Variants in RGS5 observed in about 807,000 individuals in gnomAD.
RGS5 encodes regulator of G-protein signalling 5.
RGS5 carries 20 observed loss-of-function variants against 18.9 expected under a neutral mutation model. The observed-to-expected ratio is 1.06, with a 90% CI of 0.74 to 1.54. The LOEUF is 1.54. Among genes scored for constraint, RGS5 ranks in the 40% most tolerant of loss-of-function variants. RGS5 has a pLI of 0.00. For synonymous variants in RGS5, 57 were observed against 76.2 expected, an observed-to-expected ratio of 0.75 and a Z score of 1.31; for missense variants, 201 against 211.8, an observed-to-expected ratio of 0.95 and a Z score of 0.32.
chr1:163,172,473 T>C, intron 1 of RGS5: 1 of 1,448,908 alleles, frequency 6.9e-7, no homozygotes, highest in Non-Finnish European at 9.4e-7. Flanking sequence ...TAGAGTTTTT[T>C]GTGGAATGAT....
intron 1 of RGS5, among the ~76,000 whole-genome samples, chr1:163,179,697 A>G (rs974725794): frequency 1.3e-5 from 2 of 152,226 alleles, no homozygotes; most frequent in Admixed American, 1.3e-4. Flanking sequence ...GTAGAAAAAG[A>G]GAAAGGGAGA....
At chr1:163,278,572 G>A (rs1349488201) in intron 2 of RGS5, among the ~76,000 whole-genome samples, 1 of 151,748 alleles carries the variant, frequency 6.6e-6, no homozygotes, top group East Asian at 1.9e-4. Context: ...ATGAAAAGAA[G>A]GGTAAAAAAT....
chr1:163,268,363 CA>C (rs1648626453), intron 2 of RGS5, among the ~76,000 whole-genome samples: 1 of 152,074 alleles, frequency 6.6e-6, no homozygotes, highest in Non-Finnish European at 1.5e-5. Context: ...TTTCATTTTG[CA>C]GACTAGAAAA....
intron 2 of RGS5, among the ~76,000 whole-genome samples, chr1:163,291,274 G>A (rs1007268167): frequency 1.3e-5 from 2 of 152,084 alleles, no homozygotes; most frequent in South Asian, 4.1e-4. Context: ...AAATTATGGC[G>A]GCGGGCAGGG....
At chr1:163,271,345 G>A (rs1228809711) in intron 2 of RGS5, among the ~76,000 whole-genome samples, 1 of 152,118 alleles carries the variant, frequency 6.6e-6, no homozygotes, top group Non-Finnish European at 1.5e-5. Flanking sequence ...TTTAGATGAT[G>A]TCATGAAGGT....
intron 1 of RGS5, among the ~76,000 whole-genome samples, chr1:163,309,601 A>G (rs902063931): frequency 6.6e-6 from 1 of 152,042 alleles, no homozygotes; most frequent in African/African-American, 2.4e-5. Context: ...TTCTAATTCT[A>G]GTTCTCTTGC....
Position 163,143,003 on chromosome 1 carries a change from G to A in RGS5, c.*4339C>T, listed in dbSNP as rs140460338. 2 of 152,318 alleles carry A rather than the reference G, an allele frequency of 1.3e-5. No individual in the cohort carries two copies. Among genetic ancestry groups the A allele is most frequent in the East Asian group, 1.9e-4 (1 of 5,192 alleles). The allele number at this position is 152,318 out of a possible 1,614,324, so 9.4% of individuals were successfully genotyped here. A position where few individuals can be genotyped will look rare whatever the true frequency, so the allele number is the denominator to read the frequency against. On this transcript the variant is annotated 3_prime_UTR_variant, in exon 5 of 5. Transcript: ENST00000313961. ...GTTGTCGTTGTTGTTGCCGTGGCCT[G>A]TGACTCTCTGCTGTAAGTTTCCATT...
intron 2 of RGS5, among the ~76,000 whole-genome samples, chr1:163,235,471 G>T (rs1647598760): frequency 6.6e-6 from 1 of 152,202 alleles, no homozygotes; most frequent in Admixed American, 6.5e-5. Context: ...CGGACATGTT[G>T]CTAATTTCAC....
chr1:163,315,975 G>A (rs555587671), intron 1 of RGS5, among the ~76,000 whole-genome samples: 2 of 152,098 alleles, frequency 1.3e-5, no homozygotes, highest in East Asian at 1.9e-4. Context: ...ATGCAACAGC[G>A]CCACCCAGTG....
intron 2 of RGS5, among the ~76,000 whole-genome samples, chr1:163,270,882 G>C (rs1456502697): frequency 6.6e-6 from 1 of 152,164 alleles, no homozygotes; most frequent in Non-Finnish European, 1.5e-5. Flanking sequence ...TAAATATGCA[G>C]AGCCAGACCT....
At chr1:163,298,081 G>C (rs984074197) in intron 2 of RGS5, among the ~76,000 whole-genome samples, 1 of 151,066 alleles carries the variant, frequency 6.6e-6, no homozygotes, top group Non-Finnish European at 1.5e-5. Context: ...TTCCTTGTTT[G>C]ATATAACAAA....
chr1:163,312,570 C>CA (rs1174196525), intron 1 of RGS5, among the ~76,000 whole-genome samples: 2 of 152,066 alleles, frequency 1.3e-5, no homozygotes, highest in African/African-American at 4.8e-5. Context: ...CTGAAAACGA[C>CA]AGTGATATGA....
chr1:163,240,051 G>GTT (rs34837921), intron 2 of RGS5, among the ~76,000 whole-genome samples: 23 of 148,970 alleles, frequency 1.5e-4, no homozygotes, highest in South Asian at 6.3e-4. Context: ...GTTTAGCAGG[G>GTT]TTTTTTTTTT....
chr1:163,311,239 T>C (rs1371457350), intron 1 of RGS5, among the ~76,000 whole-genome samples: 4 of 152,230 alleles, frequency 2.6e-5, no homozygotes, highest in Non-Finnish European at 5.9e-5. Context: ...AGCAAGTGCC[T>C]TGCTCTGGAT....
intron 1 of RGS5, among the ~76,000 whole-genome samples, chr1:163,173,627 A>T (rs1658405950): frequency 6.6e-6 from 1 of 152,244 alleles, no homozygotes; most frequent in South Asian, 2.1e-4. Context: ...GTGAAGAACC[A>T]ATTATATATA....
rs189192486 is a variant in RGS5, at chr1:163,294,811, A to G, written c.-281+11422T>C. On this transcript the variant is annotated intron_variant, in intron 2 of 5. Coordinates refer to the RGS5 transcript ENST00000618415. The stretch of plus-strand genomic sequence containing the variant: ...AGCACATGTAACTGCACACTTTCAG[A>G]AAAAAACGGGTCACCTCTTGAATGC... Among the ~76,000 whole-genome samples the G allele has an allele frequency of 1.4e-3, 220 of 152,192 alleles. 1 individual carries two copies. Among genetic ancestry groups the G allele is most frequent in the Non-Finnish European group, 2.6e-3 (174 of 68,016 alleles).
intron 2 of RGS5, among the ~76,000 whole-genome samples, chr1:163,268,519 C>G (rs1648630489): frequency 6.6e-6 from 1 of 152,076 alleles, no homozygotes; most frequent in South Asian, 2.1e-4. Context: ...AAAGCAAACT[C>G]CCCAGCATAT....
intron 2 of RGS5, among the ~76,000 whole-genome samples, chr1:163,253,306 A>G (rs1557920368): frequency 6.6e-6 from 1 of 151,944 alleles, no homozygotes; most frequent in Non-Finnish European, 1.5e-5. Flanking sequence ...ATAAACTAAG[A>G]CAGATAAGGC....
At chr1:163,192,745 C>A (rs999216295) in intron 1 of RGS5, among the ~76,000 whole-genome samples, 2 of 152,180 alleles carry the variant, frequency 1.3e-5, no homozygotes, top group Non-Finnish European at 2.9e-5. Flanking sequence ...ATTTAAGACT[C>A]TGAAAGTCTG....
Sources: gnomAD v4.1 joint callset for allele counts (sites outside exome capture counted in the v4.1 genomes callset) on GRCh38, gnomAD v4.1.1 for gene constraint, MANE v1.5 for transcripts, NCBI Gene and HGNC (gene_info 2026-07-23, HGNC 2026-07-21) for gene names.